Variants in GALNT13 observed in about 807,000 individuals in gnomAD.
GALNT13 encodes polypeptide N-acetylgalactosaminyltransferase 13, also known as UDP-GalNAc:polypeptide N-acetylgalactosaminyltransferase 13.
A neutral mutation model predicts 64.2 loss-of-function variants in GALNT13; 28 were observed. That is an observed-to-expected ratio of 0.44 (90% confidence interval 0.32 to 0.60). GALNT13 has a LOEUF of 0.60. Ranked by LOEUF, GALNT13 falls within the 20% of genes least tolerant of loss-of-function variation. GALNT13 has a pLI of 0.05. For synonymous variants in GALNT13, 214 were observed against 224.6 expected, an observed-to-expected ratio of 0.95 and a Z score of 0.42; for missense variants, 577 against 669.8, an observed-to-expected ratio of 0.86 and a Z score of 1.53.
intron 3 of GALNT13, among the ~76,000 whole-genome samples, chr2:154,001,976 A>C (rs980027091): frequency 6.6e-6 from 1 of 151,992 alleles, no homozygotes; most frequent in African/African-American, 2.4e-5. Flanking sequence ...TTGTTCTAGC[A>C]CTTCTAAAAT....
Position 154,278,190 on chromosome 2 carries a change from C to A in GALNT13, c.975+19052C>A, listed in dbSNP as rs900174048. Among the ~76,000 whole-genome samples the A allele has an allele frequency of 7.2e-5, 11 of 152,194 alleles. 1 individual carries two copies. Among genetic ancestry groups the A allele is most frequent in the African/African-American group, 1.2e-4 (5 of 41,534 alleles). On this transcript the variant is annotated intron_variant, in intron 8 of 12. Coordinates refer to ENST00000392825, the MANE Select transcript of GALNT13 (RefSeq NM_052917.4). ...TTTGCATTTGCGAAAAACATCATAA[C>A]TTATGGAATTCCTAAATTAAGATAA...
At chr2:153,630,791 ATATATATATATATATATT>A in the GALNT13 span, among the ~76,000 whole-genome samples, 317 of 13,102 alleles carry the variant, frequency 0.024, 3 homozygotes, top group Non-Finnish European at 0.033. Flanking sequence ...ATATATATAT[ATATATATATATATATATT>A]TTTTTTTTTT....
upstream of GALNT13, among the ~76,000 whole-genome samples, chr2:153,867,007 T>G (rs986913364): frequency 6.6e-6 from 1 of 152,232 alleles, no homozygotes; most frequent in Admixed American, 6.5e-5. Flanking sequence ...TCAAATCTAT[T>G]CAACATAATG....
At chr2:153,395,270 T>C in the GALNT13 span, among the ~76,000 whole-genome samples, 2 of 152,300 alleles carry the variant, frequency 1.3e-5, no homozygotes, top group African/African-American at 2.4e-5. Flanking sequence ...CAAAGAATTA[T>C]ACCAGGTGTG....
At chr2:153,268,816 G>T in the GALNT13 span, among the ~76,000 whole-genome samples, 34 of 152,308 alleles carry the variant, frequency 2.2e-4, no homozygotes, top group South Asian at 2.1e-3. Context: ...AAGGCTTGGG[G>T]CTTGCACCCT....
At chr2:153,222,803 G>C in the GALNT13 span, among the ~76,000 whole-genome samples, 1 of 152,234 alleles carries the variant, frequency 6.6e-6, no homozygotes, top group South Asian at 2.1e-4. Flanking sequence ...CCTGAAGTGG[G>C]TGCTGGGAGT....
chr2:153,166,961 A>G, the GALNT13 span, among the ~76,000 whole-genome samples: 4 of 152,230 alleles, frequency 2.6e-5, no homozygotes, highest in Non-Finnish European at 4.4e-5. Flanking sequence ...TAGAAACCCC[A>G]GGCTCAGTAT....
the GALNT13 span, among the ~76,000 whole-genome samples, chr2:153,349,715 T>C: frequency 6.6e-6 from 1 of 152,134 alleles, no homozygotes; most frequent in African/African-American, 2.4e-5. Flanking sequence ...CCTGCCACAA[T>C]GCTCCACACA....
chr2:154,415,749 T>G (rs1699981202), intron 11 of GALNT13, among the ~76,000 whole-genome samples: 1 of 152,182 alleles, frequency 6.6e-6, no homozygotes, highest in Non-Finnish European at 1.5e-5. Context: ...ATTTTATTAA[T>G]ATGTTCTAAT....
At chr2:153,094,909 A>G in the GALNT13 span, among the ~76,000 whole-genome samples, 1 of 152,322 alleles carries the variant, frequency 6.6e-6, no homozygotes, top group South Asian at 2.1e-4. Flanking sequence ...AAGGACTTAA[A>G]TTTTAGACCT....
At chr2:153,763,936 T>C in the GALNT13 span, among the ~76,000 whole-genome samples, 4 of 152,024 alleles carry the variant, frequency 2.6e-5, no homozygotes, top group African/African-American at 9.7e-5. Flanking sequence ...ATGTGAAAGT[T>C]TGGAACTTCC....
At chr2:154,409,555 GC>G in intron 11 of GALNT13, among the ~76,000 whole-genome samples, 1 of 152,106 alleles carries the variant, frequency 6.6e-6, no homozygotes, top group South Asian at 2.1e-4. Flanking sequence ...GTCTTAGACA[GC>G]CTTTCTTGTG....
chr2:154,276,730 C>G (rs1691670232), intron 8 of GALNT13, among the ~76,000 whole-genome samples: 1 of 152,062 alleles, frequency 6.6e-6, no homozygotes, highest in South Asian at 2.1e-4. Flanking sequence ...TCCCATAATC[C>G]CCTCATGTTG....
At chr2:153,370,907 C>T in the GALNT13 span, 1 of 191,906 alleles carries the variant, frequency 5.2e-6, no homozygotes, top group Non-Finnish European at 1.1e-5. Context: ...GATGTCAAGG[C>T]CAACAAGTAC....
At chr2:154,071,579 G>T (rs1700742558) in intron 3 of GALNT13, among the ~76,000 whole-genome samples, 1 of 152,028 alleles carries the variant, frequency 6.6e-6, no homozygotes, top group African/African-American at 2.4e-5. Flanking sequence ...TCATATTTGT[G>T]AATTTTACTA....
At chr2:153,195,372 T>A in the GALNT13 span, among the ~76,000 whole-genome samples, 1 of 152,072 alleles carries the variant, frequency 6.6e-6, no homozygotes, top group Non-Finnish European at 1.5e-5. Context: ...GAGTCAAACA[T>A]TGAGCAGCCA....
At chr2:153,612,212 G>A in the GALNT13 span, among the ~76,000 whole-genome samples, 26 of 152,262 alleles carry the variant, frequency 1.7e-4, no homozygotes, top group Admixed American at 5.9e-4. Context: ...AGCATGTGGA[G>A]AAATAGGAAT....
the GALNT13 span, among the ~76,000 whole-genome samples, chr2:153,205,439 T>C: frequency 6.6e-5 from 10 of 152,142 alleles, no homozygotes; most frequent in African/African-American, 2.4e-4. Context: ...TAGTGCCTGG[T>C]AGATTATGCT....
At chr2:153,566,702 C>G in the GALNT13 span, among the ~76,000 whole-genome samples, 3 of 152,170 alleles carry the variant, frequency 2.0e-5, no homozygotes, top group Non-Finnish European at 4.4e-5. Context: ...GTCACTCATT[C>G]AAAGTACTAT....
Sources: allele counts gnomAD v4.1 joint callset (sites outside exome capture counted in the v4.1 genomes callset), GRCh38; gene constraint gnomAD v4.1.1; transcripts MANE v1.5; gene names NCBI Gene and HGNC (gene_info 2026-07-23, HGNC 2026-07-21).